Variants in GPATCH2L observed in about 807,000 individuals in gnomAD.
GPATCH2L encodes the protein G-patch domain containing 2 like, also known as G patch domain-containing protein 2-like.
GPATCH2L carries 31 observed loss-of-function variants against 57.4 expected under a neutral mutation model. That is an observed-to-expected ratio of 0.54 (90% CI 0.41 to 0.73). The LOEUF is 0.73. Ranked by LOEUF, GPATCH2L falls within the 30% of genes least tolerant of loss-of-function variation. The pLI, the probability that GPATCH2L is intolerant of heterozygous loss-of-function variation, is 0.00. For missense variants in GPATCH2L, 481 were observed against 599.9 expected, an observed-to-expected ratio of 0.80 and a Z score of 2.07; for synonymous variants, 199 against 210.7, an observed-to-expected ratio of 0.94 and a Z score of 0.48.
chr14:76,222,768 C>A (rs2040520721), intron 1 of GPATCH2L, among the ~76,000 whole-genome samples: 1 of 152,052 alleles, frequency 6.6e-6, no homozygotes, highest in South Asian at 2.1e-4. Context: ...ACCAGCCTGG[C>A]CAACATGGTG....
At chr14:76,233,674 C>CTCTTCATTAAAGATTCATTAAA (rs1291225474) in intron 2 of GPATCH2L, among the ~76,000 whole-genome samples, 1 of 152,130 alleles carries the variant, frequency 6.6e-6, no homozygotes, top group African/African-American at 2.4e-5. Context: ...AAGATAAGGA[C>CTCTTCATTAAAGATTCATTAAA]TCTTCATTAA....
In GPATCH2L at chr14:76,165,092, G is replaced by A. The variant is rs114975300; in HGVS notation, c.663-1571G>A. Reference sequence around the variant, plus strand: ...TACACTAACTCTGTTGTTTCAGTTGGATGTGGTTCAGTTGCCTTTCTAGCA... The same window carrying A: ...TACACTAACTCTGTTGTTTCAGTTGAATGTGGTTCAGTTGCCTTTCTAGCA... On this transcript the variant is annotated intron_variant, in intron 2 of 9. Coordinates refer to ENST00000261530, the MANE Select transcript of GPATCH2L (RefSeq NM_017926.4). 5.5e-3 allele frequency among the ~76,000 whole-genome samples: 836 copies of A among 152,304 alleles called. 5 individuals are homozygous for A. Among genetic ancestry groups the A allele is most frequent in the African/African-American group, 0.019 (807 of 41,550 alleles).
intron 8 of GPATCH2L, among the ~76,000 whole-genome samples, chr14:76,187,025 G>GTTTTTTTTT (rs34797876): frequency 6.8e-6 from 1 of 147,936 alleles, no homozygotes. Flanking sequence ...ATTGTGAAGT[G>GTTTTTTTTT]TTTTTTTTTT....
intron 1 of GPATCH2L, among the ~76,000 whole-genome samples, chr14:76,220,264 G>A (rs2040508652): frequency 6.6e-6 from 1 of 152,082 alleles, no homozygotes; most frequent in African/African-American, 2.4e-5. Context: ...AACTATATCT[G>A]GCTTTCAAGA....
chr14:76,200,754 AC>A (rs1440635468), intron 9 of GPATCH2L, among the ~76,000 whole-genome samples: 8 of 152,218 alleles, frequency 5.3e-5, no homozygotes, highest in Non-Finnish European at 1.0e-4. Context: ...GCCATGACCC[AC>A]TAAATTGATT....
At chr14:76,219,241 T>C (rs982488635), downstream of GPATCH2L, among the ~76,000 whole-genome samples, 3 of 152,066 alleles carry the variant, frequency 2.0e-5, no homozygotes, top group African/African-American at 4.8e-5. Flanking sequence ...AAAGAGTCCC[T>C]ATCAATAAAA....
chr14:76,173,164 T>C (rs1033894848), intron 4 of GPATCH2L, among the ~76,000 whole-genome samples: 6 of 152,168 alleles, frequency 3.9e-5, no homozygotes, highest in African/African-American at 1.4e-4. Flanking sequence ...AATTAGAATG[T>C]TTTTGACGTA....
rs1319051949 is a variant in GPATCH2L at position 76,206,954 on chromosome 14, T to C, written c.*5103T>C. 6.6e-6 allele frequency: 1 copy of C among 152,184 alleles called. No homozygotes were observed. Among genetic ancestry groups the C allele is most frequent in the African/African-American group, 2.4e-5 (1 of 41,438 alleles). The allele number at this position is 152,184 out of a possible 1,614,324, so 9.4% of individuals were successfully genotyped here. On this transcript the variant is annotated 3_prime_UTR_variant, in exon 10 of 10. Transcript: ENST00000261530. ...TTTTCCCCTACAAGCTCCTGAAAGA[T>C]CTTTTTGAAGAATTGACAAAGGATG...
Position 76,202,345 on chromosome 14 carries a change from A to C in GPATCH2L, c.*494A>C, listed in dbSNP as rs772598675. On this transcript the variant is annotated 3_prime_UTR_variant, in exon 10 of 10. Transcript: ENST00000261530. ...TTGCCTTTGAGCCTACTCTTGATTCATGCAGAGTGCCAATAAGATAAATCA... is the reference window on the plus strand; with the variant it reads ...TTGCCTTTGAGCCTACTCTTGATTCCTGCAGAGTGCCAATAAGATAAATCA... The C allele has an allele frequency of 6.5e-6, 1 of 152,748 alleles. No homozygotes were observed. Among genetic ancestry groups the C allele is most frequent in the African/African-American group, 2.4e-5 (1 of 41,468 alleles). 9.5% of individuals were successfully genotyped at this position (152,748 alleles called of 1,614,324 possible). A position where few individuals can be genotyped will look rare whatever the true frequency, so the allele number is the denominator to read the frequency against.
At chr14:76,215,915 A>C (rs890282054), downstream of GPATCH2L, among the ~76,000 whole-genome samples, 8 of 151,728 alleles carry the variant, frequency 5.3e-5, no homozygotes, top group African/African-American at 1.7e-4. Flanking sequence ...AGTATAATTA[A>C]AAAAATAAAA....
rs1449899923 is a variant in GPATCH2L, at chr14:76,211,702, C to T, written c.*9851C>T. ...TGTTGATCTATTTACACCTTTTGGACTGAACACCTTAGCAATCATTGATAT... is the reference window on the plus strand; with the variant it reads ...TGTTGATCTATTTACACCTTTTGGATTGAACACCTTAGCAATCATTGATAT... On this transcript the variant is annotated 3_prime_UTR_variant, in exon 10 of 10. Transcript: ENST00000261530. 5 of 152,078 alleles carry T rather than the reference C, an allele frequency of 3.3e-5. No individual in the cohort carries two copies. Among genetic ancestry groups the T allele is most frequent in the Non-Finnish European group, 5.9e-5 (4 of 68,014 alleles). The allele number at this position is 152,078 out of a possible 1,614,324, so 9.4% of individuals were successfully genotyped here. A position where few individuals can be genotyped will look rare whatever the true frequency, so the allele number is the denominator to read the frequency against.
chr14:76,186,849 A>T (rs2139754811), intron 8 of GPATCH2L, among the ~76,000 whole-genome samples: 1 of 152,290 alleles, frequency 6.6e-6, no homozygotes, highest in South Asian at 2.1e-4. Context: ...ACAGCTTCAT[A>T]GATATGCCTA....
intron 9 of GPATCH2L, chr14:76,196,585 G>C (rs1196136956): frequency 1.3e-5 from 2 of 156,960 alleles, no homozygotes; most frequent in Admixed American, 1.3e-4. Context: ...ACTTGGTGGG[G>C]GTGTGTGGCT....
intron 9 of GPATCH2L, 129 bp from the exon 10 acceptor site, chr14:76,201,562 C>T: frequency 1.9e-6 from 1 of 520,028 alleles, no homozygotes; most frequent in Non-Finnish European, 3.3e-6. Flanking sequence ...TACGTGGCCA[C>T]TTGGGTTACT....
At chr14:76,218,293 T>G (rs1388423655), downstream of GPATCH2L, among the ~76,000 whole-genome samples, 1 of 151,846 alleles carries the variant, frequency 6.6e-6, no homozygotes, top group East Asian at 1.9e-4. Flanking sequence ...TGATACTGAG[T>G]TTTTTACTTA....
At chr14:76,189,268 G>A (rs138868708) in intron 8 of GPATCH2L, among the ~76,000 whole-genome samples, 1,906 of 152,166 alleles carry the variant, frequency 0.013, 42 homozygotes, top group African/African-American at 0.044. Context: ...GATAGGGATT[G>A]CATTGAATCT....
rs2040454736 is a variant in GPATCH2L, at chr14:76,212,655, A to G, written c.*10804A>G. On this transcript the variant is annotated 3_prime_UTR_variant, in exon 10 of 10. Transcript: ENST00000261530. ...GATACAGAAGATCTAGTTGATGCAT[A>G]TTAGACTTTACCCTAAAAGTGGTAA... 1 of 152,182 alleles carries G rather than the reference A, an allele frequency of 6.6e-6. No individual in the cohort carries two copies. The highest frequency in any genetic ancestry group is 2.1e-4 in the South Asian group (1 of 4,832). 9.4% of individuals were successfully genotyped at this position (152,182 alleles called of 1,614,324 possible). A position where few individuals can be genotyped will look rare whatever the true frequency, so the allele number is the denominator to read the frequency against.
chr14:76,195,747 CTT>C lies in GPATCH2L; in HGVS notation c.1194-130_1194-129del, dbSNP rs909469054. The C allele has an allele frequency of 1.0e-4, 70 of 700,098 alleles. No individual in the cohort carries two copies. The African/African-American group carries it at 1.1e-3, about 11-fold the overall frequency. The allele number at this position is 700,098 out of a possible 1,614,324, so 43.4% of individuals were successfully genotyped here. Reference sequence around the variant, plus strand: ...AATTCTGAATAATGTTGTCCCAATGCTTAATGGCAAAAGATGGTGCCCATTTT... The same window carrying C: ...AATTCTGAATAATGTTGTCCCAATGCAATGGCAAAAGATGGTGCCCATTTT... On this transcript the variant is annotated intron_variant, in intron 8 of 9. Transcript: ENST00000261530.
chr14:76,201,702 G>A lies in GPATCH2L; in HGVS notation c.1300G>A (p.Ala434Thr), dbSNP rs201150352. The A allele has an allele frequency of 1.2e-6, 2 of 1,610,768 alleles. No homozygotes were observed. Among genetic ancestry groups the A allele is most frequent in the Admixed American group, 1.7e-5 (1 of 59,432 alleles). Residue 434 changes from alanine (A) to threonine (T), a missense_variant, in exon 10 of 10, where the codon GCA becomes ACA. Ala to Thr is a moderately conservative substitution (Grantham distance 58, BLOSUM62 0). Transcript: ENST00000261530. The part of the protein sequence containing the change: ...LSSPSAVHMD[A>T]VEPTTPASQA... Reference sequence around the variant, plus strand: ...TGTAACCTTACTAGTTCACATGGATGCAGTGGAGCCAACCACACCAGCATC... The same window carrying A: ...TGTAACCTTACTAGTTCACATGGATACAGTGGAGCCAACCACACCAGCATC...
Sources: gnomAD v4.1 joint callset for allele counts (sites outside exome capture counted in the v4.1 genomes callset) on GRCh38, gnomAD v4.1.1 for gene constraint, MANE v1.5 for transcripts, NCBI Gene and HGNC (gene_info 2026-07-23, HGNC 2026-07-21) for gene names.